CCDC15: variants seen among roughly 807,000 people sequenced by gnomAD.
CCDC15 encodes the protein coiled-coil domain-containing protein 15.
A neutral mutation model predicts 114.5 loss-of-function variants in CCDC15; 105 were observed. The ratio of observed to expected loss-of-function variants is 0.92; its 90% CI spans 0.78 to 1.08. CCDC15 has a LOEUF of 1.08. Among genes scored for constraint, CCDC15 ranks in the 50% least tolerant of loss-of-function variants. The probability of loss-of-function intolerance (pLI) is 0.00; values close to 1 mark genes in which losing one functional copy is unlikely to be tolerated. For synonymous variants in CCDC15, 334 were observed against 377.8 expected (o/e 0.88, Z 1.34); for missense variants, 1,105 against 1,093.6 (o/e 1.01, Z -0.15).
chr11:124,972,990 C>T (rs968361742), intron 4 of CCDC15, among the ~76,000 whole-genome samples: 2 of 152,114 alleles, frequency 1.3e-5, no homozygotes, highest in African/African-American at 4.8e-5. Flanking sequence ...GTAATATTTA[C>T]AGGTTCTAGG....
intron 8 of CCDC15, among the ~76,000 whole-genome samples, 173 bp downstream of exon 8, chr11:124,988,307 A>G (rs1221963200): frequency 1.3e-5 from 2 of 152,266 alleles, no homozygotes; most frequent in Non-Finnish European, 2.9e-5. Context: ...TTGGCTTCCC[A>G]GTACATATAA....
intron 2 of CCDC15, 34 bp downstream of exon 2, chr11:124,954,943 T>A: frequency 2.5e-6 from 4 of 1,588,566 alleles, no homozygotes; most frequent in Non-Finnish European, 3.5e-6. Flanking sequence ...ATGGTGGGGT[T>A]CCCCACCACC....
intron 13 of CCDC15, among the ~76,000 whole-genome samples, chr11:125,010,821 C>A (rs1038749613): frequency 5.9e-5 from 9 of 152,046 alleles, no homozygotes; most frequent in Non-Finnish European, 8.8e-5. Flanking sequence ...TCAATTTTTG[C>A]TTTTGTTGCA....
At chr11:124,963,695 T>G (rs1947715548) in intron 4 of CCDC15, among the ~76,000 whole-genome samples, 1 of 152,228 alleles carries the variant, frequency 6.6e-6, no homozygotes, top group African/African-American at 2.4e-5. Context: ...GCTTTTGGTG[T>G]TTTAGTCATG....
At chr11:124,967,724 A>G (rs978306878) in intron 4 of CCDC15, among the ~76,000 whole-genome samples, 2 of 152,202 alleles carry the variant, frequency 1.3e-5, no homozygotes, top group African/African-American at 4.8e-5. Flanking sequence ...TCTGGTTTTT[A>G]GAATTTTCAG....
chr11:124,967,446 G>A (rs984287432), intron 4 of CCDC15, among the ~76,000 whole-genome samples: 2 of 152,012 alleles, frequency 1.3e-5, no homozygotes, highest in African/African-American at 2.4e-5. Context: ...TTGTGCATTC[G>A]TCACGTAGTT....
intron 13 of CCDC15, among the ~76,000 whole-genome samples, chr11:125,032,887 G>A (rs1180608876): frequency 1.3e-5 from 2 of 152,194 alleles, no homozygotes; most frequent in African/African-American, 4.8e-5. Context: ...CCACAATGAT[G>A]TTTTGGGCCC....
intron 13 of CCDC15, among the ~76,000 whole-genome samples, chr11:125,032,073 C>T (rs542549808): frequency 2.6e-5 from 4 of 152,286 alleles, no homozygotes; most frequent in African/African-American, 9.6e-5. Flanking sequence ...TTTTCCCATC[C>T]TCTGGCGTGC....
chr11:124,995,744 A>G (rs1355273438), intron 11 of CCDC15, among the ~76,000 whole-genome samples: 1 of 152,086 alleles, frequency 6.6e-6, no homozygotes, highest in Non-Finnish European at 1.5e-5. Flanking sequence ...GGACTATTCA[A>G]TTCAGGTTAC....
At chr11:125,027,559 G>A (rs1049397125) in intron 13 of CCDC15, among the ~76,000 whole-genome samples, 1 of 151,398 alleles carries the variant, frequency 6.6e-6, no homozygotes, top group African/African-American at 2.4e-5. Flanking sequence ...TCAAATTCAT[G>A]CCCTTTGCCC....
At chr11:124,991,617 A>C (rs1306827411) in intron 9 of CCDC15, 34 bp downstream of exon 9, 3 of 1,554,030 alleles carry the variant, frequency 1.9e-6, no homozygotes, top group Non-Finnish European at 2.6e-6. Context: ...AACAGGAAGG[A>C]AGTACCCAGG....
intron 11 of CCDC15, among the ~76,000 whole-genome samples, chr11:124,994,237 A>C (rs1948322958): frequency 6.6e-6 from 1 of 152,158 alleles, no homozygotes; most frequent in Non-Finnish European, 1.5e-5. Flanking sequence ...AGCACCTTTC[A>C]CCCATGCACC....
rs1220602772 is a variant in CCDC15, at chr11:124,987,429, A to C, written c.1203A>C (p.Glu401Asp). 6.2e-7 allele frequency: 1 copy of C among 1,613,998 alleles called. No homozygotes were observed. Among genetic ancestry groups the C allele is most frequent in the Admixed American group, 1.7e-5 (1 of 60,028 alleles). The part of the protein sequence containing the change: ...IMLKAQSIEL[E>D]EGSIVLKTQD... Reference sequence around the variant, plus strand: ...TGAAAGCCCAGAGTATTGAGCTAGAAGAAGGGAGTATTGTGTTGAAAACCC... The same window carrying C: ...TGAAAGCCCAGAGTATTGAGCTAGACGAAGGGAGTATTGTGTTGAAAACCC... The change falls in exon 8 of 16, where the codon GAA becomes GAC. Residue 401 changes from glutamate (E) to aspartate (D), a missense_variant. Coordinates refer to ENST00000344762, the MANE Select transcript of CCDC15 (RefSeq NM_025004.3).
intron 11 of CCDC15, among the ~76,000 whole-genome samples, chr11:124,994,081 A>T (rs1273228485): frequency 6.6e-6 from 1 of 152,206 alleles, no homozygotes; most frequent in Non-Finnish European, 1.5e-5. Context: ...CTATCACTGA[A>T]GCTTACAGTA....
At chr11:124,956,425 A>C (rs1947550014) in intron 2 of CCDC15, among the ~76,000 whole-genome samples, 1 of 151,934 alleles carries the variant, frequency 6.6e-6, no homozygotes, top group South Asian at 2.1e-4. Context: ...TGGGCAATAG[A>C]GTGAGACCCC....
At chr11:125,029,064 T>C (rs1486341851) in intron 13 of CCDC15, among the ~76,000 whole-genome samples, 1 of 152,164 alleles carries the variant, frequency 6.6e-6, no homozygotes, top group East Asian at 1.9e-4. Context: ...GAGAAAGATA[T>C]AGTCTGGGAG....
chr11:124,961,964 TAAG>T (rs1440977871), intron 4 of CCDC15, among the ~76,000 whole-genome samples: 1 of 152,158 alleles, frequency 6.6e-6, no homozygotes, highest in Non-Finnish European at 1.5e-5. Context: ...TGGGGTTGGA[TAAG>T]GAGGAGGAAA....
intron 4 of CCDC15, among the ~76,000 whole-genome samples, chr11:124,962,224 C>T (rs188971384): frequency 3.5e-4 from 54 of 152,216 alleles, no homozygotes; most frequent in African/African-American, 1.3e-3. Context: ...GGCACGAACT[C>T]CCTTAGTTTA....
At chr11:125,012,170 G>A (rs968810635) in intron 13 of CCDC15, among the ~76,000 whole-genome samples, 6 of 152,116 alleles carry the variant, frequency 3.9e-5, no homozygotes, top group African/African-American at 1.4e-4. Context: ...AATTCCAGGG[G>A]CCTGGGTACC....
Sources: gnomAD v4.1 joint callset for allele counts (sites outside exome capture counted in the v4.1 genomes callset) on GRCh38, gnomAD v4.1.1 for gene constraint, MANE v1.5 for transcripts, NCBI Gene and HGNC (gene_info 2026-07-23, HGNC 2026-07-21) for gene names.